Variants in CCDC3 observed in about 807,000 individuals in gnomAD.
The protein encoded by CCDC3 is coiled-coil domain containing 3.
A neutral mutation model predicts 21.4 loss-of-function variants in CCDC3; 24 were observed. The observed-to-expected ratio is 1.12, with a 90% CI of 0.81 to 1.58. The LOEUF is 1.58. Ranked by LOEUF, CCDC3 falls within the 40% of genes most tolerant of loss-of-function variation. CCDC3 has a pLI of 0.00. For synonymous variants in CCDC3, 186 were observed against 166.0 expected, an observed-to-expected ratio of 1.12 and a Z score of -0.93; for missense variants, 425 against 360.9, an observed-to-expected ratio of 1.18 and a Z score of -1.44.
At chr10:12,998,182 G>A (rs979149775) in intron 2 of CCDC3, among the ~76,000 whole-genome samples, 156 bp downstream of exon 2, 1 of 152,174 alleles carries the variant, frequency 6.6e-6, no homozygotes, top group African/African-American at 2.4e-5. Flanking sequence ...ACAGCTGGGA[G>A]GTAAGGAGGG....
At chr10:12,940,573 G>C (rs1382300786) in intron 2 of CCDC3, among the ~76,000 whole-genome samples, 1 of 152,124 alleles carries the variant, frequency 6.6e-6, no homozygotes, top group Non-Finnish European at 1.5e-5. Context: ...CCACTAATTA[G>C]TTCCATGACT....
At chr10:13,048,176 T>C (rs1297548220) in intron 5 of CCDC3, among the ~76,000 whole-genome samples, 1 of 152,122 alleles carries the variant, frequency 6.6e-6, no homozygotes, top group Non-Finnish European at 1.5e-5. Context: ...TTTTTTCTTT[T>C]GGCAGAGTGA....
chr10:13,001,451 G>T lies in CCDC3; in HGVS notation c.120C>A (p.Ala40=). The change falls in exon 1 of 3, where the codon GCC becomes GCA. Residue 40 remains alanine (A), a synonymous_variant. Transcript: ENST00000378825. The part of the protein sequence containing the change: ...PLSEGCRAEL[A]ETIVYARVLA... The stretch of plus-strand genomic sequence containing the variant: ...GCACCCTGGCGTACACGATGGTCTC[G>T]GCCAGCTCGGCGCGGCAGCCCTCGC... 9.6e-6 allele frequency: 14 copies of T among 1,454,860 alleles called. No homozygotes were observed. The highest frequency in any genetic ancestry group is 1.3e-5 in the Non-Finnish European group (14 of 1,102,884). The allele number at this position is 1,454,860 out of a possible 1,614,324, so 90.1% of individuals were successfully genotyped here.
intron 2 of CCDC3, among the ~76,000 whole-genome samples, chr10:12,942,925 T>C (rs904291313): frequency 6.6e-6 from 1 of 152,080 alleles, no homozygotes; most frequent in Non-Finnish European, 1.5e-5. Context: ...GCAAAGAACG[T>C]GGGGTATTAC....
Position 12,898,422 on chromosome 10 carries a change from C to T in CCDC3, c.807G>A (p.Arg269=), listed in dbSNP as rs868776620. 1 of 1,599,666 alleles carries T rather than the reference C, an allele frequency of 6.3e-7. No individual in the cohort carries two copies. The highest frequency in any genetic ancestry group is 1.7e-5 in the Admixed American group (1 of 58,658). ...CTGGCAGCCCCCAGGCCCGTTACCC[C>T]CGCAGGTAGGGGGGGCGCACGGGCC... ...ARGPVRPPYL[R]G The change falls in exon 3 of 3, where the codon CGG becomes CGA. Residue 269 remains arginine (R), a synonymous_variant. Coordinates refer to ENST00000378825, the MANE Select transcript of CCDC3 (RefSeq NM_031455.4).
chr10:13,059,212 G>A (rs1447707739), intron 4 of CCDC3, among the ~76,000 whole-genome samples: 7 of 152,100 alleles, frequency 4.6e-5, no homozygotes, highest in South Asian at 4.1e-4. Flanking sequence ...TCCGGGTGAC[G>A]CCAAGGCAAC....
Position 12,998,285 on chromosome 10 carries a change from A to G in CCDC3, c.549+53T>C, listed in dbSNP as rs1589035480. 33 of 1,562,260 alleles carry G rather than the reference A, an allele frequency of 2.1e-5. No homozygotes were observed. In the East Asian group the frequency reaches 7.4e-4, roughly 35 times the overall value. ...TTCCTTTGGTCACAAAATTCACACA[A>G]GGTGTAGCTATACTATTGTTTTGCT... On this transcript the variant is annotated intron_variant, in intron 2 of 2. Transcript: ENST00000378825.
intron 2 of CCDC3, among the ~76,000 whole-genome samples, chr10:12,904,514 A>C (rs1376853005): frequency 7.2e-6 from 1 of 139,772 alleles, no homozygotes; most frequent in Admixed American, 7.6e-5. Context: ...CTCACTAGTT[A>C]TTAATCCTCC....
At chr10:12,947,861 G>A (rs1470930640) in intron 2 of CCDC3, among the ~76,000 whole-genome samples, 1 of 152,196 alleles carries the variant, frequency 6.6e-6, no homozygotes. Context: ...ACAATCCTGT[G>A]GTGTGCCTGC....
chr10:13,007,192 C>T (rs2131291794), intron 5 of CCDC3, among the ~76,000 whole-genome samples: 1 of 152,208 alleles, frequency 6.6e-6, no homozygotes, highest in South Asian at 2.1e-4. Flanking sequence ...GAAGGAAATA[C>T]CTCTGGGTCA....
intron 2 of CCDC3, among the ~76,000 whole-genome samples, chr10:12,916,426 CAA>C (rs71386129): frequency 0.019 from 2,022 of 105,198 alleles, 18 homozygotes; most frequent in Non-Finnish European, 0.026. Flanking sequence ...GACTCCATCT[CAA>C]AAAAAAAAAA....
rs140350309 is a variant in CCDC3, at chr10:13,024,710, T to C, written c.-2+24964A>G. Among the ~76,000 whole-genome samples the C allele has an allele frequency of 8.1e-3, 1,234 of 152,348 alleles. 11 individuals carry two copies. The highest frequency in any genetic ancestry group is 0.028 in the African/African-American group (1,145 of 41,578). On this transcript the variant is annotated intron_variant, in intron 5 of 6. Coordinates refer to the CCDC3 transcript ENST00000378839. The stretch of plus-strand genomic sequence containing the variant: ...AACTTGTACCTTCTGTTCTCCGTCA[T>C]AGGCAACTAAAAAGAAGCCAGATTG...
chr10:12,993,742 G>C (rs1290538239), intron 2 of CCDC3, among the ~76,000 whole-genome samples: 1 of 152,164 alleles, frequency 6.6e-6, no homozygotes, highest in Non-Finnish European at 1.5e-5. Flanking sequence ...CAGAGAGGCG[G>C]TGAACACGTA....
chr10:13,040,361 T>G (rs909357448), intron 5 of CCDC3, among the ~76,000 whole-genome samples: 1 of 152,152 alleles, frequency 6.6e-6, no homozygotes, highest in Non-Finnish European at 1.5e-5. Flanking sequence ...GAAGTGAGCC[T>G]TATCTATCAG....
chr10:12,916,584 C>A (rs1471755071), intron 2 of CCDC3, among the ~76,000 whole-genome samples: 3 of 150,690 alleles, frequency 2.0e-5, no homozygotes, highest in Admixed American at 2.0e-4. Flanking sequence ...CACGCCACTG[C>A]ACTCCAGCCT....
At chr10:12,929,766 G>C (rs1834610011) in intron 2 of CCDC3, among the ~76,000 whole-genome samples, 1 of 152,178 alleles carries the variant, frequency 6.6e-6, no homozygotes, top group African/African-American at 2.4e-5. Flanking sequence ...TACCTCTTGA[G>C]ACTGTTTTAA....
At chr10:12,942,777 A>G (rs924165881) in intron 2 of CCDC3, among the ~76,000 whole-genome samples, 3 of 152,060 alleles carry the variant, frequency 2.0e-5, no homozygotes, top group African/African-American at 7.2e-5. Context: ...CATGCATTTC[A>G]CCACAGAATC....
intron 2 of CCDC3, among the ~76,000 whole-genome samples, chr10:12,909,431 T>G (rs1834230047): frequency 6.6e-6 from 1 of 152,182 alleles, no homozygotes; most frequent in Admixed American, 6.5e-5. Flanking sequence ...GGGGCCATGC[T>G]TACTCCTGCC....
chr10:12,902,255 G>A (rs1345420210), intron 2 of CCDC3, among the ~76,000 whole-genome samples: 1 of 152,164 alleles, frequency 6.6e-6, no homozygotes, highest in Admixed American at 6.5e-5. Flanking sequence ...TGGGCTCCCG[G>A]GGAAGCTGCT....
Sources: gnomAD v4.1 joint callset for allele counts (sites outside exome capture counted in the v4.1 genomes callset) on GRCh38, gnomAD v4.1.1 for gene constraint, MANE v1.5 for transcripts, NCBI Gene and HGNC (gene_info 2026-07-23, HGNC 2026-07-21) for gene names.